Variants in LRAT observed in about 807,000 individuals in gnomAD.
The protein encoded by LRAT is lecithin retinol acyltransferase.
Under a neutral mutation model 14.2 loss-of-function variants are expected in LRAT, and 11 were observed. The ratio of observed to expected loss-of-function variants is 0.78; its 90% CI spans 0.49 to 1.29. The LOEUF (loss-of-function observed/expected upper bound fraction) is 1.29, where lower values mean the gene tolerates loss of function less well. Ranked by LOEUF, LRAT falls within the 50% of genes most tolerant of loss-of-function variation. The pLI, the probability that LRAT is intolerant of heterozygous loss-of-function variation, is 0.00. For synonymous variants in LRAT, 144 were observed against 124.8 expected (o/e 1.15, Z -1.03); for missense variants, 274 against 292.4 (o/e 0.94, Z 0.46).
chr4:154,748,477 A>G, intron 2 of LRAT: 7 of 787,968 alleles, frequency 8.9e-6, no homozygotes, highest in Non-Finnish European at 1.1e-5. Context: ...AGGAAATGGG[A>G]TTTGACAATA....
chr4:154,750,221 T>G lies in LRAT; in HGVS notation c.*1085T>G, dbSNP rs894572993. 1 of 152,062 alleles carries G rather than the reference T, an allele frequency of 6.6e-6. No individual in the cohort carries two copies. The highest frequency in any genetic ancestry group is 6.5e-5 in the Admixed American group (1 of 15,270). The allele number at this position is 152,062 out of a possible 1,614,324, so 9.4% of individuals were successfully genotyped here. On this transcript the variant is annotated 3_prime_UTR_variant, in exon 3 of 3. Coordinates refer to ENST00000336356, the MANE Select transcript of LRAT (RefSeq NM_004744.5). ...ATATCATTTCTAATTATAGTTTATATCCTTAAAAGAAGGATGCCACAGTAG... is the reference window on the plus strand; with the variant it reads ...ATATCATTTCTAATTATAGTTTATAGCCTTAAAAGAAGGATGCCACAGTAG...
rs1198959112 is a variant in LRAT, at chr4:154,752,058, C to T, written c.*2922C>T. 2 of 152,160 alleles carry T rather than the reference C, an allele frequency of 1.3e-5. No homozygotes were observed. The highest frequency in any genetic ancestry group is 2.9e-5 in the Non-Finnish European group (2 of 68,030). 9.4% of individuals were successfully genotyped at this position (152,160 alleles called of 1,614,324 possible). A position where few individuals can be genotyped will look rare whatever the true frequency, so the allele number is the denominator to read the frequency against. ...GATGAAATGATGAATGAGGCATGGA[C>T]CTGTTCCTCAGAGTTTATGGCCCAG... is the stretch of plus-strand genomic sequence containing the variant. On this transcript the variant is annotated 3_prime_UTR_variant, in exon 3 of 3. Coordinates refer to ENST00000336356, the MANE Select transcript of LRAT (RefSeq NM_004744.5).
At chr4:154,742,708 A>G (rs1018282139), upstream of LRAT, among the ~76,000 whole-genome samples, 1 of 152,100 alleles carries the variant, frequency 6.6e-6, no homozygotes, top group Non-Finnish European at 1.5e-5. Flanking sequence ...GGCGCGGCCA[A>G]CGCTTCAGCG....
At position 154,744,861 on chromosome 4, in the gene LRAT, G is replaced by T. The variant is rs1157227984; in HGVS notation, c.535G>T (p.Asp179Tyr). 2 of 1,613,008 alleles carry T rather than the reference G, an allele frequency of 1.2e-6. No homozygotes were observed. Among genetic ancestry groups the T allele is most frequent in the South Asian group, 2.2e-5 (2 of 91,056 alleles). ...TGGCACCCCGATCAGTCCCCAGTCC[G>T]ACAAGGTATGATGTGTGACTCCCAG... ...RYGTPISPQS[D>Y]KFCETVKIII... The change falls in exon 2 of 3, where the codon GAC becomes TAC. Residue 179 changes from aspartate to tyrosine, a missense_variant. Physicochemically the swap from Asp to Tyr is radical, Grantham distance 160 (BLOSUM62 -3). Transcript: ENST00000336356.
In LRAT at chr4:154,749,212, C is replaced by T. The variant is rs996481173; in HGVS notation, c.*76C>T. ...TTTATAGAGCATCAATCAATATAAG[C>T]ATTATTGAGAAAAATGTGACCCGTA... On this transcript the variant is annotated 3_prime_UTR_variant, in exon 3 of 3. Coordinates refer to ENST00000336356, the MANE Select transcript of LRAT (RefSeq NM_004744.5). 6.8e-7 allele frequency: 1 copy of T among 1,469,240 alleles called. No individual in the cohort carries two copies. Among genetic ancestry groups the T allele is most frequent in the Non-Finnish European group, 9.5e-7 (1 of 1,050,276 alleles). The allele number at this position is 1,469,240 out of a possible 1,614,324, so 91.0% of individuals were successfully genotyped here. A position where few individuals can be genotyped will look rare whatever the true frequency, so the allele number is the denominator to read the frequency against.
upstream of LRAT, among the ~76,000 whole-genome samples, chr4:154,742,883 A>C (rs1443706392): frequency 6.6e-6 from 1 of 152,052 alleles, no homozygotes; most frequent in African/African-American, 2.4e-5. Context: ...AAAAATAAAA[A>C]TAAAGGGAGG....
intron 2 of LRAT, among the ~76,000 whole-genome samples, chr4:154,747,246 ACT>A (rs1192094811): frequency 6.6e-6 from 1 of 152,030 alleles, no homozygotes; most frequent in African/African-American, 2.4e-5. Flanking sequence ...TTGTGGTAAC[ACT>A]CTATTTTACA....
chr4:154,745,012 T>TCC lies in LRAT; in HGVS notation c.540+146_540+147insCC, dbSNP rs1405702931. On this transcript the variant is annotated intron_variant, in intron 2 of 2. Transcript: ENST00000336356. ...ACCATCCTTTTTCTTTTTCCTTTTT[T>TCC]TTTTTTTTTTTTTTTTTTTTTTTTG... 1,399 of 358,616 alleles carry TCC rather than the reference T, an allele frequency of 3.9e-3. 79 individuals carry two copies. In the African/African-American group the frequency reaches 0.042, roughly 11 times the overall value. The allele number at this position is 358,616 out of a possible 1,614,324, so 22.2% of individuals were successfully genotyped here. A position where few individuals can be genotyped will look rare whatever the true frequency, so the allele number is the denominator to read the frequency against.
At position 154,752,504 on chromosome 4, in the gene LRAT, T is replaced by C. The variant is rs1426283455; in HGVS notation, c.*3368T>C. The C allele has an allele frequency of 6.6e-6, 1 of 152,150 alleles. No homozygotes were observed. Among genetic ancestry groups the C allele is most frequent in the Non-Finnish European group, 1.5e-5 (1 of 68,024 alleles). 9.4% of individuals were successfully genotyped at this position (152,150 alleles called of 1,614,324 possible). The stretch of plus-strand genomic sequence containing the variant: ...AGACTTTTGAACAGGCAATCGAGAT[T>C]TGGGGTTCAGAAAGATAAATCCCAA... On this transcript the variant is annotated 3_prime_UTR_variant, in exon 3 of 3. Transcript: ENST00000336356.
At chr4:154,742,195 G>A (rs771512503), upstream of LRAT, among the ~76,000 whole-genome samples, 2 of 152,138 alleles carry the variant, frequency 1.3e-5, no homozygotes, top group Non-Finnish European at 2.9e-5. Flanking sequence ...CCACCTGGGC[G>A]CTTTTCTTTA....
chr4:154,749,290 T>C lies in LRAT; in HGVS notation c.*154T>C. On this transcript the variant is annotated 3_prime_UTR_variant, in exon 3 of 3. Coordinates refer to ENST00000336356, the MANE Select transcript of LRAT (RefSeq NM_004744.5). ...TAGGAATCACGCAAAGTGCTTACTG[T>C]GTAAGCCCAAGAACAAAGGCTTTCT... 2.4e-6 allele frequency: 2 copies of C among 828,578 alleles called. No homozygotes were observed. The highest frequency in any genetic ancestry group is 2.0e-6 in the Non-Finnish European group (1 of 501,616). 51.3% of individuals were successfully genotyped at this position (828,578 alleles called of 1,614,324 possible).
intron 2 of LRAT, among the ~76,000 whole-genome samples, chr4:154,747,711 T>C (rs1259222195): frequency 6.6e-6 from 1 of 152,184 alleles, no homozygotes; most frequent in Non-Finnish European, 1.5e-5. Flanking sequence ...AAAATATGTC[T>C]TCCATCAACC....
At chr4:154,746,124 T>C (rs1732881003) in intron 2 of LRAT, among the ~76,000 whole-genome samples, 1 of 152,234 alleles carries the variant, frequency 6.6e-6, no homozygotes, top group Non-Finnish European at 1.5e-5. Context: ...AAACTTCACT[T>C]ACAATTGGAA....
chr4:154,748,928 G>T (rs1263565384), intron 2 of LRAT, 56 bp from the exon 3 acceptor site: 14 of 1,512,178 alleles, frequency 9.3e-6, no homozygotes, highest in Non-Finnish European at 7.3e-6. Context: ...TTTGATATAT[G>T]TGATTCTTCT....
chr4:154,744,913 C>A, intron 2 of LRAT, 47 bp downstream of exon 2: 1 of 1,589,406 alleles, frequency 6.3e-7, no homozygotes, highest in Non-Finnish European at 8.6e-7. Flanking sequence ...GGAGATGCCC[C>A]CTCCCATCCC....
At chr4:154,744,961 C>T in intron 2 of LRAT, 95 bp downstream of exon 2, 1 of 1,128,738 alleles carries the variant, frequency 8.9e-7, no homozygotes, top group South Asian at 1.2e-5. Context: ...GATCTAATTC[C>T]TGGACACCTC....
Position 154,751,872 on chromosome 4 carries a change from T to G in LRAT, c.*2736T>G, listed in dbSNP as rs528965656. On this transcript the variant is annotated 3_prime_UTR_variant, in exon 3 of 3. Transcript: ENST00000336356. ...TCCTTATGCTCCTGCAAGTTTCTTATATTTATGTATTTCTATTCTGATTTC... is the reference window on the plus strand; with the variant it reads ...TCCTTATGCTCCTGCAAGTTTCTTAGATTTATGTATTTCTATTCTGATTTC... 6.6e-6 allele frequency: 1 copy of G among 152,242 alleles called. No homozygotes were observed. Among genetic ancestry groups the G allele is most frequent in the South Asian group, 2.1e-4 (1 of 4,822 alleles). The allele number at this position is 152,242 out of a possible 1,614,324, so 9.4% of individuals were successfully genotyped here.
In LRAT at chr4:154,749,071, G is replaced by A. The variant is rs1372571084; in HGVS notation, c.628G>A (p.Gly210Ser). Residue 210 changes from glycine (G) to serine (S), a missense_variant, in exon 3 of 3, where the codon GGC (glycine) becomes AGC (serine). Gly to Ser is a moderately conservative substitution (Grantham distance 56). Coordinates refer to ENST00000336356, the MANE Select transcript of LRAT (RefSeq NM_004744.5). ...GGGATTGGCGTCTATAGTCTGTACG[G>A]GCTTGGTATCATACACTACCCTTCC... The part of the protein sequence containing the change: ...VLGLASIVCT[G>S]LVSYTTLPAI... 1 of 1,613,738 alleles carries A rather than the reference G, an allele frequency of 6.2e-7. No homozygotes were observed. Among genetic ancestry groups the A allele is most frequent in the East Asian group, 2.2e-5 (1 of 44,868 alleles).
rs539607105 is a variant in LRAT at position 154,752,510 on chromosome 4, T to G, written c.*3374T>G. On this transcript the variant is annotated 3_prime_UTR_variant, in exon 3 of 3. Coordinates refer to ENST00000336356, the MANE Select transcript of LRAT (RefSeq NM_004744.5). ...TTGAACAGGCAATCGAGATTTGGGG[T>G]TCAGAAAGATAAATCCCAAAAGTAT... 9.2e-5 allele frequency: 14 copies of G among 152,208 alleles called. No homozygotes were observed. The highest frequency in any genetic ancestry group is 9.2e-4 in the Admixed American group (14 of 15,292). The allele number at this position is 152,208 out of a possible 1,614,324, so 9.4% of individuals were successfully genotyped here.
Sources: allele counts gnomAD v4.1 joint callset (sites outside exome capture counted in the v4.1 genomes callset), GRCh38; gene constraint gnomAD v4.1.1; transcripts MANE v1.5; gene names NCBI Gene and HGNC (gene_info 2026-07-23, HGNC 2026-07-21).